Variants in CNTNAP2 observed in about 807,000 individuals in gnomAD.
CNTNAP2 encodes the protein contactin associated protein 2, also known as contactin-associated protein-like 2.
In CNTNAP2, 98 loss-of-function variants were observed where a neutral mutation model predicts 155.2. The observed-to-expected ratio is 0.63, with a 90% CI of 0.54 to 0.75. CNTNAP2 has a LOEUF of 0.75. Among genes scored for constraint, CNTNAP2 ranks in the 30% least tolerant of loss-of-function variants. The pLI is 0.00. For missense variants in CNTNAP2, 1,727 were observed against 1,688.1 expected, an observed-to-expected ratio of 1.02 and a Z score of -0.40; for synonymous variants, 651 against 631.2, an observed-to-expected ratio of 1.03 and a Z score of -0.47.
At position 147,939,323 on chromosome 7, in the gene CNTNAP2, G is replaced by A. The variant is rs1018683973; in HGVS notation, c.2255+35602G>A. Among the ~76,000 whole-genome samples, 5 of 150,780 alleles carry A rather than the reference G, an allele frequency of 3.3e-5. No individual in the cohort carries two copies. In the East Asian group the frequency reaches 9.7e-4, roughly 29 times the overall value. ...CCTGAACCCATTAGTGACTATTCAT[G>A]TAGGATTTTTTTTTTTAATTTTATT... On this transcript the variant is annotated intron_variant, in intron 14 of 23. Transcript: ENST00000361727.
At chr7:148,279,888 C>A (rs1027181693) in intron 21 of CNTNAP2, among the ~76,000 whole-genome samples, 8 of 152,140 alleles carry the variant, frequency 5.3e-5, no homozygotes, top group African/African-American at 1.9e-4. Flanking sequence ...GTTACATACC[C>A]AATGATCCCA....
At chr7:146,931,056 G>A (rs981665325) in intron 3 of CNTNAP2, among the ~76,000 whole-genome samples, 1 of 151,912 alleles carries the variant, frequency 6.6e-6, no homozygotes, top group African/African-American at 2.4e-5. Context: ...GGATACCCAG[G>A]AATTGAACTC....
At chr7:147,429,735 T>C (rs907236684) in intron 10 of CNTNAP2, among the ~76,000 whole-genome samples, 1 of 152,202 alleles carries the variant, frequency 6.6e-6, no homozygotes, top group Non-Finnish European at 1.5e-5. Context: ...TTGATTTTTG[T>C]ATAAAGTGAG....
intron 1 of CNTNAP2, among the ~76,000 whole-genome samples, chr7:146,214,022 G>A (rs1321815586): frequency 2.0e-5 from 3 of 152,170 alleles, no homozygotes; most frequent in Admixed American, 6.5e-5. Flanking sequence ...GCTAGGAAGA[G>A]GCTTCATTGT....
At chr7:147,781,701 T>A (rs1291419672) in intron 13 of CNTNAP2, among the ~76,000 whole-genome samples, 2 of 152,094 alleles carry the variant, frequency 1.3e-5, no homozygotes, top group African/African-American at 4.8e-5. Context: ...AGCTTACTAG[T>A]CAAGGAAGCC....
chr7:146,917,971 G>T (rs973480995), intron 3 of CNTNAP2, among the ~76,000 whole-genome samples: 2 of 152,114 alleles, frequency 1.3e-5, no homozygotes, highest in African/African-American at 4.8e-5. Flanking sequence ...TTGCTTTAAA[G>T]TTTGTTTTCT....
intron 18 of CNTNAP2, among the ~76,000 whole-genome samples, chr7:148,179,355 A>C (rs1294193790): frequency 6.6e-6 from 1 of 152,100 alleles, no homozygotes; most frequent in Non-Finnish European, 1.5e-5. Context: ...CAGAAAGACA[A>C]AATTAGCCAG....
chr7:146,994,167 G>A (rs1798263899), intron 3 of CNTNAP2, among the ~76,000 whole-genome samples: 2 of 152,046 alleles, frequency 1.3e-5, no homozygotes, highest in Admixed American at 1.3e-4. Context: ...AATGACATAG[G>A]TTACTAGTAG....
chr7:147,248,703 A>T (rs1011041199), intron 8 of CNTNAP2, among the ~76,000 whole-genome samples: 1 of 152,250 alleles, frequency 6.6e-6, no homozygotes, highest in Non-Finnish European at 1.5e-5. Flanking sequence ...TATTTAAACA[A>T]TGATTATTAG....
intron 2 of CNTNAP2, among the ~76,000 whole-genome samples, chr7:146,830,309 G>T (rs1326822323): frequency 6.6e-5 from 10 of 151,968 alleles, no homozygotes; most frequent in African/African-American, 2.4e-4. Context: ...ATTTATTGTG[G>T]GGGAAAAGGA....
At chr7:147,410,342 A>G (rs965289851) in intron 10 of CNTNAP2, among the ~76,000 whole-genome samples, 2 of 152,196 alleles carry the variant, frequency 1.3e-5, no homozygotes, top group African/African-American at 4.8e-5. Context: ...AACTAATGAG[A>G]ACACATGGAC....
At chr7:146,539,525 C>T (rs549908484) in intron 1 of CNTNAP2, among the ~76,000 whole-genome samples, 19 of 150,526 alleles carry the variant, frequency 1.3e-4, no homozygotes, top group East Asian at 3.9e-4. Flanking sequence ...CATAAAGCTA[C>T]GGTAGAAACA....
intron 8 of CNTNAP2, among the ~76,000 whole-genome samples, chr7:147,153,560 C>A (rs1325710678): frequency 6.6e-6 from 1 of 152,054 alleles, no homozygotes; most frequent in African/African-American, 2.4e-5. Flanking sequence ...AAAGCCAAAG[C>A]TAAGGCCCAA....
intron 1 of CNTNAP2, among the ~76,000 whole-genome samples, chr7:146,474,280 C>T (rs1796842013): frequency 6.7e-6 from 1 of 148,472 alleles, no homozygotes; most frequent in African/African-American, 2.5e-5. Context: ...ATATATATTT[C>T]ATTTATATAA....
intron 14 of CNTNAP2, among the ~76,000 whole-genome samples, chr7:147,950,168 T>C (rs1800900506): frequency 6.6e-6 from 1 of 151,766 alleles, no homozygotes; most frequent in Non-Finnish European, 1.5e-5. Context: ...CCAAGTATAG[T>C]AAGGGAGGCA....
chr7:147,234,905 A>G (rs1196191231), intron 8 of CNTNAP2, among the ~76,000 whole-genome samples: 1 of 152,164 alleles, frequency 6.6e-6, no homozygotes. Context: ...CACAGTTTCA[A>G]GCCATCCCAT....
intron 8 of CNTNAP2, among the ~76,000 whole-genome samples, chr7:147,278,560 A>G (rs1804955729): frequency 6.6e-6 from 1 of 151,746 alleles, no homozygotes; most frequent in Admixed American, 6.6e-5. Context: ...TCTCTCATCT[A>G]TGACTGCAGT....
chr7:146,117,288 A>C, intron 1 of CNTNAP2: 1 of 338,296 alleles, frequency 3.0e-6, no homozygotes, highest in Non-Finnish European at 5.6e-6. Flanking sequence ...AGGGAGAGTT[A>C]ACTGCATTTG....
intron 15 of CNTNAP2, among the ~76,000 whole-genome samples, chr7:148,050,282 G>A (rs947890529): frequency 1.1e-4 from 17 of 152,274 alleles, no homozygotes; most frequent in Admixed American, 9.8e-4. Flanking sequence ...TGAAGACCTC[G>A]CAGTAGGACA....
Sources: gnomAD v4.1 joint callset for allele counts (sites outside exome capture counted in the v4.1 genomes callset) on GRCh38, gnomAD v4.1.1 for gene constraint, MANE v1.5 for transcripts, NCBI Gene and HGNC (gene_info 2026-07-23, HGNC 2026-07-21) for gene names.